The following ADGRL4 variants were observed in gnomAD, a reference collection of about 807,000 sequenced individuals.
The protein encoded by ADGRL4 is adhesion G protein-coupled receptor L4, also known as EGF, latrophilin and seven transmembrane domain containing 1.
Under a neutral mutation model 74.8 loss-of-function variants are expected in ADGRL4, and 90 were observed. That is an observed-to-expected ratio of 1.20 (90% confidence interval 1.02 to 1.43). The LOEUF (loss-of-function observed/expected upper bound fraction) is 1.43, where lower values mean the gene tolerates loss of function less well. Among genes scored for constraint, ADGRL4 ranks in the 40% most tolerant of loss-of-function variants. ADGRL4 has a pLI of 0.00. For synonymous variants in ADGRL4, 311 were observed against 279.2 expected (o/e 1.11, Z -1.14); for missense variants, 881 against 814.3 (o/e 1.08, Z -1.00).
At chr1:78,996,215 G>A (rs1401346134) in intron 2 of ADGRL4, among the ~76,000 whole-genome samples, 2 of 152,224 alleles carry the variant, frequency 1.3e-5, no homozygotes, top group East Asian at 1.9e-4. Flanking sequence ...TGGCTGCATG[G>A]CATCTATTCA....
intron 12 of ADGRL4, among the ~76,000 whole-genome samples, chr1:78,903,267 G>T (rs12119875): frequency 6.6e-6 from 1 of 152,106 alleles, no homozygotes; most frequent in Non-Finnish European, 1.5e-5. Flanking sequence ...TTTTAATAAA[G>T]TAATCCTAAT....
chr1:78,952,768 G>C (rs1384408993), intron 2 of ADGRL4, among the ~76,000 whole-genome samples: 1 of 151,958 alleles, frequency 6.6e-6, no homozygotes, highest in Admixed American at 6.6e-5. Flanking sequence ...GTTTGTGTTG[G>C]GTATTTATTA....
At chr1:78,995,366 A>G (rs1650692627) in intron 2 of ADGRL4, among the ~76,000 whole-genome samples, 1 of 152,190 alleles carries the variant, frequency 6.6e-6, no homozygotes, top group Admixed American at 6.5e-5. Context: ...TTATGTGCCA[A>G]CTTCTACTGA....
At chr1:78,924,195 G>T (rs979252842) in intron 8 of ADGRL4, among the ~76,000 whole-genome samples, 4 of 151,988 alleles carry the variant, frequency 2.6e-5, no homozygotes, top group Admixed American at 2.6e-4. Context: ...GATCTAGAAA[G>T]ATCTGAGAAA....
chr1:78,946,335 A>G lies in ADGRL4; in HGVS notation c.264T>C (p.Pro88=), dbSNP rs532915062. 55 of 1,613,500 alleles carry G rather than the reference A, an allele frequency of 3.4e-5. No homozygotes were observed. The East Asian group carries it at 1.2e-3, about 36-fold the overall frequency. The change falls in exon 3 of 15, where the codon CCT becomes CCC. Residue 88 remains proline, a synonymous_variant. Coordinates refer to ENST00000370742, the MANE Select transcript of ADGRL4 (RefSeq NM_022159.4). The stretch of plus-strand genomic sequence containing the variant: ...CTTGGTTACTGCTGGATCTGAAGCC[A>G]GGTACACACATACAATAATAACTTC... ...TEGSYYCMCV[P]GFRSSSNQDR...
chr1:78,892,337 G>A (rs1243038649), intron 13 of ADGRL4, among the ~76,000 whole-genome samples: 3 of 152,112 alleles, frequency 2.0e-5, no homozygotes, highest in African/African-American at 4.8e-5. Context: ...TCAGCAGAAT[G>A]CCTGTGACTT....
chr1:78,986,995 A>C (rs1650511915), intron 2 of ADGRL4, among the ~76,000 whole-genome samples: 1 of 151,848 alleles, frequency 6.6e-6, no homozygotes, highest in Admixed American at 6.6e-5. Flanking sequence ...AAGTAGATAA[A>C]TCATGACACG....
At chr1:78,919,315 C>T (rs539365109) in intron 10 of ADGRL4, among the ~76,000 whole-genome samples, 155 of 152,032 alleles carry the variant, frequency 1.0e-3, no homozygotes, top group Non-Finnish European at 1.6e-3. Context: ...GTAGGAAATC[C>T]ACTGCTGTTC....
intron 2 of ADGRL4, among the ~76,000 whole-genome samples, chr1:78,958,563 G>C (rs1032347420): frequency 6.6e-6 from 1 of 152,172 alleles, no homozygotes; most frequent in African/African-American, 2.4e-5. Context: ...TGCAGCCTGA[G>C]ATGTGACTGA....
chr1:78,924,137 A>G (rs1649061651), intron 8 of ADGRL4, among the ~76,000 whole-genome samples: 1 of 152,034 alleles, frequency 6.6e-6, no homozygotes, highest in African/African-American at 2.4e-5. Context: ...TATTAATTGC[A>G]TTCAACTTCT....
chr1:78,896,492 T>C (rs144394764), intron 12 of ADGRL4, among the ~76,000 whole-genome samples: 30 of 152,180 alleles, frequency 2.0e-4, no homozygotes, highest in African/African-American at 7.2e-4. Context: ...CTCAAAAAAA[T>C]GTTATCTTAC....
intron 2 of ADGRL4, among the ~76,000 whole-genome samples, chr1:78,977,440 G>T (rs566172735): frequency 6.6e-6 from 1 of 151,788 alleles, no homozygotes; most frequent in African/African-American, 2.4e-5. Context: ...ATCTAAAATG[G>T]GTCAATATTA....
At chr1:78,963,186 T>C (rs1242801145) in intron 2 of ADGRL4, among the ~76,000 whole-genome samples, 4 of 152,222 alleles carry the variant, frequency 2.6e-5, no homozygotes, top group Non-Finnish European at 5.9e-5. Context: ...CAGGTATAAA[T>C]ATGTCAAACA....
intron 7 of ADGRL4, among the ~76,000 whole-genome samples, chr1:78,934,110 T>C (rs114984659): frequency 1.3e-4 from 20 of 152,300 alleles, no homozygotes; most frequent in Non-Finnish European, 1.6e-4. Flanking sequence ...AGACCCCATA[T>C]AGCCCAGACA....
intron 2 of ADGRL4, among the ~76,000 whole-genome samples, chr1:78,960,199 G>A (rs1649921053): frequency 6.6e-6 from 1 of 152,066 alleles, no homozygotes. Flanking sequence ...AAATAAAAAT[G>A]TGGCTTTAAA....
chr1:78,930,617 A>C (rs1649221350), intron 7 of ADGRL4, among the ~76,000 whole-genome samples: 3 of 150,578 alleles, frequency 2.0e-5, no homozygotes, highest in African/African-American at 7.5e-5. Flanking sequence ...CACCTGGCTA[A>C]TTTTTGTATT....
At chr1:78,966,651 C>T (rs1399976636) in intron 2 of ADGRL4, among the ~76,000 whole-genome samples, 3 of 152,134 alleles carry the variant, frequency 2.0e-5, no homozygotes, top group Non-Finnish European at 4.4e-5. Flanking sequence ...CACTCCCCCT[C>T]CTCTTCCAGG....
rs10548958 is a variant in ADGRL4, at chr1:78,993,572, A to T, written c.172+11498T>A. 4.9e-3 allele frequency among the ~76,000 whole-genome samples: 415 copies of T among 84,062 alleles called. 4 individuals carry two copies. Among genetic ancestry groups the T allele is most frequent in the Non-Finnish European group, 8.1e-3 (316 of 39,194 alleles). The allele number at this position is 84,062 out of a possible 152,430, so 55.1% of individuals were successfully genotyped here. On this transcript the variant is annotated intron_variant, in intron 2 of 14. Transcript: ENST00000370742. ...TAATATGACTCTAAGCAAAAATTCCATTTTTTTTTTTTTTGAGATGGAGTC... is the reference window on the plus strand; with the variant it reads ...TAATATGACTCTAAGCAAAAATTCCTTTTTTTTTTTTTTTGAGATGGAGTC...
chr1:78,934,622 A>C (rs7365823), intron 7 of ADGRL4, among the ~76,000 whole-genome samples: 93,227 of 151,974 alleles, frequency 0.61, 28,758 homozygotes, highest in East Asian at 0.7. Context: ...TGGAAACCTA[A>C]AGAATGGGAG....
Sources: allele counts gnomAD v4.1 joint callset (sites outside exome capture counted in the v4.1 genomes callset), GRCh38; gene constraint gnomAD v4.1.1; transcripts MANE v1.5; gene names NCBI Gene and HGNC (gene_info 2026-07-23, HGNC 2026-07-21).